Variants in EIF2B3 observed in about 807,000 individuals in gnomAD.
EIF2B3 encodes the protein eukaryotic translation initiation factor 2B subunit gamma.
EIF2B3 carries 20 observed loss-of-function variants against 54.1 expected under a neutral mutation model. The ratio of observed to expected loss-of-function variants is 0.37; its 90% confidence interval spans 0.26 to 0.54. EIF2B3 has a LOEUF of 0.54. Ranked by LOEUF, EIF2B3 falls within the 20% of genes least tolerant of loss-of-function variation. The probability of loss-of-function intolerance (pLI) is 0.86; values close to 1 mark genes in which losing one functional copy is unlikely to be tolerated. For missense variants in EIF2B3, 448 were observed against 547.8 expected (o/e 0.82, Z 1.82); for synonymous variants, 153 against 188.1 (o/e 0.81, Z 1.52).
At chr1:44,910,855 A>AT (rs888056447) in intron 5 of EIF2B3, among the ~76,000 whole-genome samples, 5 of 151,160 alleles carry the variant, frequency 3.3e-5, no homozygotes, top group African/African-American at 7.3e-5. Context: ...TCTTTTTTAA[A>AT]TTTTTTTTCC....
intron 5 of EIF2B3, among the ~76,000 whole-genome samples, chr1:44,906,872 G>A (rs1051423769): frequency 2.6e-5 from 4 of 152,130 alleles, no homozygotes; most frequent in African/African-American, 7.2e-5. Flanking sequence ...TGAACACCGA[G>A]TCTATATATG....
At chr1:44,946,444 C>CTTTTT (rs758880130) in intron 3 of EIF2B3, among the ~76,000 whole-genome samples, 1 of 140,322 alleles carries the variant, frequency 7.1e-6, no homozygotes, top group African/African-American at 2.7e-5. Flanking sequence ...TTCATAATAC[C>CTTTTT]TTTTTTTTTT....
At chr1:44,877,206 A>AAAAAAC (rs1655203644) in intron 8 of EIF2B3, among the ~76,000 whole-genome samples, 4 of 145,322 alleles carry the variant, frequency 2.8e-5, no homozygotes, top group Non-Finnish European at 6.0e-5. Flanking sequence ...AAAAAAAAAA[A>AAAAAAC]AAAAAAAAAA....
At chr1:44,961,077 T>C (rs765686333) in intron 3 of EIF2B3, among the ~76,000 whole-genome samples, 7 of 151,842 alleles carry the variant, frequency 4.6e-5, no homozygotes, top group Non-Finnish European at 7.4e-5. Context: ...TTCTTACACT[T>C]GTCATCCTAG....
At chr1:44,873,719 C>G (rs191506517) in intron 10 of EIF2B3, among the ~76,000 whole-genome samples, 125 of 152,078 alleles carry the variant, frequency 8.2e-4, no homozygotes, top group Non-Finnish European at 1.6e-3. Flanking sequence ...CAGCTCACTG[C>G]AACCTCTGCC....
intron 11 of EIF2B3, among the ~76,000 whole-genome samples, chr1:44,854,953 G>A (rs1464767772): frequency 3.3e-5 from 5 of 151,960 alleles, no homozygotes; most frequent in East Asian, 1.9e-4. Flanking sequence ...GAAGACTGAC[G>A]GAAGACTTTG....
intron 10 of EIF2B3, among the ~76,000 whole-genome samples, chr1:44,861,066 C>T (rs557545072): frequency 6.6e-6 from 1 of 152,244 alleles, no homozygotes; most frequent in Non-Finnish European, 1.5e-5. Context: ...GCCAAAACCA[C>T]AGCACCTCTG....
intron 3 of EIF2B3, among the ~76,000 whole-genome samples, chr1:44,975,711 G>C (rs1644446330): frequency 6.6e-6 from 1 of 152,136 alleles, no homozygotes. Context: ...TCGCTCATGT[G>C]TGTAATCCCA....
chr1:44,854,722 G>T (rs1654385367), intron 11 of EIF2B3, among the ~76,000 whole-genome samples: 1 of 151,846 alleles, frequency 6.6e-6, no homozygotes, highest in South Asian at 2.1e-4. Flanking sequence ...CAAGTAGCTG[G>T]GATTACAGGC....
intron 5 of EIF2B3, 124 bp downstream of exon 5, chr1:44,926,504 C>A: frequency 1.4e-6 from 1 of 739,808 alleles, no homozygotes; most frequent in Non-Finnish European, 2.3e-6. Context: ...GAAAAATATT[C>A]ACATACTTTT....
At chr1:44,869,434 C>T (rs866420009) in intron 10 of EIF2B3, among the ~76,000 whole-genome samples, 27 of 150,142 alleles carry the variant, frequency 1.8e-4, no homozygotes, top group African/African-American at 4.7e-4. Context: ...GCTGAGATCA[C>T]GCCATTGCAC....
chr1:44,938,503 T>TCTCTG (rs142346384), intron 4 of EIF2B3, among the ~76,000 whole-genome samples: 1,784 of 139,820 alleles, frequency 0.013, 12 homozygotes, highest in South Asian at 0.021. Context: ...TCTCTCTCTG[T>TCTCTG]TTTTTTTTGG....
Position 44,942,814 on chromosome 1 carries a change from T to C in EIF2B3, c.295-1149A>G, listed in dbSNP as rs979984354. Among the ~76,000 whole-genome samples the C allele has an allele frequency of 2.6e-5, 4 of 152,000 alleles. No homozygotes were observed. The East Asian group carries it at 7.7e-4, about 29-fold the overall frequency. On this transcript the variant is annotated intron_variant, in intron 3 of 11. Coordinates refer to ENST00000360403, the MANE Select transcript of EIF2B3 (RefSeq NM_020365.5). ...AATGCTTACTATTGGCCAGGAATTGTGATAACACTTTGCAAACATTATTTA... is the reference window on the plus strand; with the variant it reads ...AATGCTTACTATTGGCCAGGAATTGCGATAACACTTTGCAAACATTATTTA...
chr1:44,870,455 T>A (rs1041536859), intron 10 of EIF2B3, among the ~76,000 whole-genome samples: 3 of 152,078 alleles, frequency 2.0e-5, no homozygotes, highest in Non-Finnish European at 2.9e-5. Flanking sequence ...ACCTGTCAAC[T>A]CTCCTCTCCC....
chr1:44,915,443 C>T (rs1194157417), intron 5 of EIF2B3, among the ~76,000 whole-genome samples: 1 of 152,126 alleles, frequency 6.6e-6, no homozygotes, highest in South Asian at 2.1e-4. Context: ...TTCACTGCAG[C>T]CTTGGCCTCC....
chr1:44,944,897 T>C (rs1179101469), intron 3 of EIF2B3, among the ~76,000 whole-genome samples: 2 of 151,592 alleles, frequency 1.3e-5, no homozygotes, highest in Admixed American at 6.6e-5. Flanking sequence ...TGAGTCTACA[T>C]GTATTTTTTT....
chr1:44,909,923 C>T (rs189117858), intron 5 of EIF2B3, among the ~76,000 whole-genome samples: 21 of 152,330 alleles, frequency 1.4e-4, no homozygotes, highest in Admixed American at 3.9e-4. Flanking sequence ...AAATACAGAT[C>T]TGGCCATGAT....
chr1:44,891,753 T>C (rs1478546253), intron 6 of EIF2B3, among the ~76,000 whole-genome samples: 1 of 152,200 alleles, frequency 6.6e-6, no homozygotes, highest in Admixed American at 6.5e-5. Context: ...TTTGTAGGCT[T>C]CTATGCTCTC....
chr1:44,960,658 C>A (rs1029294281), intron 3 of EIF2B3, among the ~76,000 whole-genome samples: 8 of 151,756 alleles, frequency 5.3e-5, no homozygotes, highest in Non-Finnish European at 8.8e-5. Context: ...GACAAAAAAC[C>A]AATACTGGAT....
Sources: allele counts gnomAD v4.1 joint callset (sites outside exome capture counted in the v4.1 genomes callset), GRCh38; gene constraint gnomAD v4.1.1; transcripts MANE v1.5; gene names NCBI Gene and HGNC (gene_info 2026-07-23, HGNC 2026-07-21).